UBR3: variants seen among roughly 807,000 people sequenced by gnomAD.
The protein encoded by UBR3 is E3 ubiquitin-protein ligase UBR3.
In UBR3, 85 loss-of-function variants were observed where a neutral mutation model predicts 243.2. That is an observed-to-expected ratio of 0.35 (90% confidence interval 0.29 to 0.42). The LOEUF is 0.42. Ranked by LOEUF, UBR3 falls within the 10% of genes least tolerant of loss-of-function variation. The pLI, the probability that UBR3 is intolerant of heterozygous loss-of-function variation, is 1.00. For missense variants in UBR3, 1,686 were observed against 2,300.8 expected (o/e 0.73, Z 5.47); for synonymous variants, 748 against 799.8 (o/e 0.94, Z 1.09).
chr2:169,894,563 C>G (rs371308010), intron 6 of UBR3, among the ~76,000 whole-genome samples: 1 of 152,054 alleles, frequency 6.6e-6, no homozygotes, highest in Admixed American at 6.6e-5. Flanking sequence ...AGGACTGATT[C>G]AAGCCTTAGT....
Position 169,946,326 on chromosome 2 carries a change from C to G in UBR3, c.2844C>G (p.Leu948=). The change falls in exon 21 of 39, where the codon CTC becomes CTG. Residue 948 remains leucine (L), a synonymous_variant. Transcript: ENST00000272793. ...ATCAAAATCTGTCAGAACATGTACT[C>G]TGCATGGTTTTATATCTGATTGAAT... ...MDHQNLSEHV[L]CMVLYLIELG... is the part of the protein sequence containing the mutation. The G allele has an allele frequency of 1.3e-6, 2 of 1,519,962 alleles. No homozygotes were observed. Among genetic ancestry groups the G allele is most frequent in the Non-Finnish European group, 1.8e-6 (2 of 1,131,996 alleles). 94.2% of individuals were successfully genotyped at this position (1,519,962 alleles called of 1,614,324 possible). A position where few individuals can be genotyped will look rare whatever the true frequency, so the allele number is the denominator to read the frequency against.
At chr2:170,006,860 ATTTC>A in intron 27 of UBR3, 126 bp from the exon 28 acceptor site, 1 of 764,520 alleles carries the variant, frequency 1.3e-6, no homozygotes, top group Non-Finnish European at 2.1e-6. Flanking sequence ...GATTTTGTTT[ATTTC>A]TTTATGACAT....
At chr2:170,006,917 A>C in intron 27 of UBR3, 73 bp from the exon 28 acceptor site, 1 of 1,252,716 alleles carries the variant, frequency 8.0e-7, no homozygotes, top group Non-Finnish European at 1.1e-6. Flanking sequence ...AATTTACTAT[A>C]AAATGGGTGG....
intron 23 of UBR3, among the ~76,000 whole-genome samples, chr2:169,956,694 C>T (rs2087314433): frequency 6.6e-6 from 1 of 152,036 alleles, no homozygotes; most frequent in Non-Finnish European, 1.5e-5. Flanking sequence ...GTAAAGTGGA[C>T]CACAGAACTT....
At chr2:169,849,659 A>G (rs1375236779) in intron 1 of UBR3, among the ~76,000 whole-genome samples, 1 of 152,190 alleles carries the variant, frequency 6.6e-6, no homozygotes, top group East Asian at 1.9e-4. Flanking sequence ...GTTAAGTCAG[A>G]TAGAATTTGG....
rs2086001667 is a variant in UBR3 at position 169,928,668 on chromosome 2, G to A, written c.2425-59G>A. On this transcript the variant is annotated intron_variant, in intron 17 of 38. Coordinates refer to ENST00000272793, the MANE Select transcript of UBR3 (RefSeq NM_172070.4). ...GCAAAATGAGAAACTAGAGTACCTT[G>A]GAAAGGCTATAAATCTGGCTTTTTG... 21 of 1,337,826 alleles carry A rather than the reference G, an allele frequency of 1.6e-5. No homozygotes were observed. In the South Asian group the frequency reaches 3.5e-4, roughly 22 times the overall value. The allele number at this position is 1,337,826 out of a possible 1,614,324, so 82.9% of individuals were successfully genotyped here. A position where few individuals can be genotyped will look rare whatever the true frequency, so the allele number is the denominator to read the frequency against.
intron 35 of UBR3, among the ~76,000 whole-genome samples, chr2:170,068,078 AT>A (rs1342265964): frequency 6.6e-6 from 1 of 152,034 alleles, no homozygotes; most frequent in Admixed American, 6.6e-5. Context: ...CCTAGAAAAT[AT>A]TTTTAACTGA....
intron 33 of UBR3, among the ~76,000 whole-genome samples, chr2:170,058,096 C>T (rs2091376760): frequency 6.6e-6 from 1 of 152,114 alleles, no homozygotes; most frequent in African/African-American, 2.4e-5. Flanking sequence ...ATGAAATATA[C>T]CACTGTGACC....
At chr2:170,027,182 T>C (rs2090551108) in intron 30 of UBR3, among the ~76,000 whole-genome samples, 1 of 151,750 alleles carries the variant, frequency 6.6e-6, no homozygotes, top group South Asian at 2.1e-4. Flanking sequence ...CAATATTAAA[T>C]TTATTTCATA....
At chr2:169,906,638 T>G (rs1257572278) in intron 10 of UBR3, among the ~76,000 whole-genome samples, 2 of 152,134 alleles carry the variant, frequency 1.3e-5, no homozygotes, top group Non-Finnish European at 2.9e-5. Context: ...CTGACCCTAT[T>G]AAACTAAAGA....
chr2:169,947,523 ATTT>A lies in UBR3; in HGVS notation c.2911-10_2911-8del. The A allele has an allele frequency of 8.9e-7, 1 of 1,122,244 alleles. No individual in the cohort carries two copies. Among genetic ancestry groups the A allele is most frequent in the Non-Finnish European group, 1.2e-6 (1 of 841,316 alleles). 69.5% of individuals were successfully genotyped at this position (1,122,244 alleles called of 1,614,324 possible). On this transcript the variant is annotated splice_polypyrimidine_tract_variant and intron_variant, in intron 21 of 38. Transcript: ENST00000272793. ...CGTGATGTGGCAAGACTTGATATTC[ATTT>A]TTTTTTTTATTTTAGGCATCAGTGG... is the stretch of plus-strand genomic sequence containing the variant.
At chr2:169,897,835 C>A (rs10209163) in intron 8 of UBR3, among the ~76,000 whole-genome samples, 3 of 151,976 alleles carry the variant, frequency 2.0e-5, no homozygotes, top group African/African-American at 7.3e-5. Context: ...TGCTATGTAC[C>A]TGGTACTGTG....
intron 5 of UBR3, among the ~76,000 whole-genome samples, chr2:169,890,544 T>TAG (rs1553504426): frequency 1.8e-5 from 1 of 56,136 alleles, no homozygotes; most frequent in South Asian, 6.5e-4. Context: ...GAGAGAGATA[T>TAG]ATATATATAT....
At chr2:169,860,871 G>T (rs2083063043) in intron 1 of UBR3, among the ~76,000 whole-genome samples, 1 of 152,168 alleles carries the variant, frequency 6.6e-6, no homozygotes, top group African/African-American at 2.4e-5. Context: ...ATCAGCCCGA[G>T]TCCCAAAACC....
At chr2:169,866,512 G>A (rs942842390) in intron 1 of UBR3, among the ~76,000 whole-genome samples, 5 of 151,770 alleles carry the variant, frequency 3.3e-5, no homozygotes, top group African/African-American at 7.3e-5. Context: ...ACAGGCATAC[G>A]CCACCATGTC....
intron 36 of UBR3, chr2:170,077,378 T>C (rs1179269287): frequency 9.4e-6 from 10 of 1,064,662 alleles, no homozygotes; most frequent in African/African-American, 3.1e-5. Context: ...TCCAAAGTTA[T>C]ATACATTGGG....
Position 169,924,087 on chromosome 2 carries a change from G to A in UBR3, c.1936G>A (p.Val646Met). 1.3e-6 allele frequency: 2 copies of A among 1,537,252 alleles called. No homozygotes were observed. Among genetic ancestry groups the A allele is most frequent in the Non-Finnish European group, 1.7e-6 (2 of 1,143,134 alleles). Reference protein sequence around the residue: ...RYYAMFLSKAVKCQELDLDSV... With the variant: ...RYYAMFLSKAMKCQELDLDSV... ...ACTTTTTTATTGTAATTTTTAGGCT[G>A]TGAAATGTCAAGAACTAGATTTGGA... The change falls in exon 13 of 39, where the codon GTG becomes ATG. Residue 646 changes from valine (V) to methionine (M), a missense_variant. Around this residue, in one of 8 missense-constraint regions of UBR3, gnomAD observed 346 missense variants for 585.8 expected, o/e 0.59. Transcript: ENST00000272793.
chr2:169,918,307 CTTT>C (rs35089044), intron 11 of UBR3, among the ~76,000 whole-genome samples: 1 of 141,600 alleles, frequency 7.1e-6, no homozygotes, highest in Middle Eastern at 3.4e-3. Flanking sequence ...TATATTTTTA[CTTT>C]TTTTTTTTTT....
chr2:169,874,171 G>C (rs1424044957), intron 2 of UBR3, among the ~76,000 whole-genome samples: 1 of 149,558 alleles, frequency 6.7e-6, no homozygotes, highest in Non-Finnish European at 1.5e-5. Flanking sequence ...AAAAAATTCT[G>C]CCTTTTTTTT....
Sources: gnomAD v4.1 joint callset for allele counts (sites outside exome capture counted in the v4.1 genomes callset) on GRCh38, gnomAD v4.1.1 for gene constraint, gnomAD v4.1.1 regional missense constraint, MANE v1.5 for transcripts, NCBI Gene and HGNC (gene_info 2026-07-23, HGNC 2026-07-21) for gene names.